Variants in ME3 observed in about 807,000 individuals in gnomAD.
ME3 encodes NADP-dependent malic enzyme, mitochondrial.
A neutral mutation model predicts 68.9 loss-of-function variants in ME3; 48 were observed. The ratio of observed to expected loss-of-function variants is 0.70; its 90% CI spans 0.55 to 0.89. The LOEUF (loss-of-function observed/expected upper bound fraction) is 0.89, where lower values mean the gene tolerates loss of function less well. Among genes scored for constraint, ME3 ranks in the 40% least tolerant of loss-of-function variants. The probability of loss-of-function intolerance (pLI) is 0.00; values close to 1 mark genes in which losing one functional copy is unlikely to be tolerated. For missense variants in ME3, 675 were observed against 797.4 expected (o/e 0.85, Z 1.85); for synonymous variants, 320 against 318.8 (o/e 1.00, Z -0.04).
At chr11:86,578,729 A>G (rs1376581423) in intron 2 of ME3, among the ~76,000 whole-genome samples, 2 of 152,160 alleles carry the variant, frequency 1.3e-5, no homozygotes, top group Non-Finnish European at 2.9e-5. Flanking sequence ...CTCTGTCTTG[A>G]CACCAAGAAG....
At chr11:86,440,709 T>G (rs1392168427), downstream of ME3, among the ~76,000 whole-genome samples, 1 of 152,208 alleles carries the variant, frequency 6.6e-6, no homozygotes, top group Non-Finnish European at 1.5e-5. Flanking sequence ...ATGGCTGACA[T>G]GGACTAAACT....
intron 2 of ME3, among the ~76,000 whole-genome samples, chr11:86,581,548 T>TAA (rs1958444065): frequency 6.6e-6 from 1 of 152,224 alleles, no homozygotes; most frequent in African/African-American, 2.4e-5. Flanking sequence ...TATTGCATTT[T>TAA]AAGTGAAGCA....
At chr11:86,481,080 T>C (rs952278391) in intron 7 of ME3, among the ~76,000 whole-genome samples, 1 of 152,134 alleles carries the variant, frequency 6.6e-6, no homozygotes, top group African/African-American at 2.4e-5. Flanking sequence ...CTCATTCTGT[T>C]GCCTAGGCTG....
chr11:86,660,998 T>A (rs1249880147), intron 2 of ME3, among the ~76,000 whole-genome samples: 1 of 152,180 alleles, frequency 6.6e-6, no homozygotes, highest in Non-Finnish European at 1.5e-5. Context: ...GTATCATCAG[T>A]CTTCACCATA....
At chr11:86,639,882 C>G (rs965117601) in intron 2 of ME3, among the ~76,000 whole-genome samples, 2 of 152,170 alleles carry the variant, frequency 1.3e-5, no homozygotes, top group Non-Finnish European at 2.9e-5. Context: ...AACTACGTTT[C>G]GCATGAGTGG....
At chr11:86,624,782 G>A (rs928594654) in intron 2 of ME3, among the ~76,000 whole-genome samples, 2 of 152,182 alleles carry the variant, frequency 1.3e-5, no homozygotes, top group Admixed American at 6.5e-5. Flanking sequence ...ATCAGATAGC[G>A]GGAGAGAAAG....
chr11:86,653,565 A>G (rs1470017355), intron 2 of ME3, among the ~76,000 whole-genome samples: 1 of 152,238 alleles, frequency 6.6e-6, no homozygotes, highest in Non-Finnish European at 1.5e-5. Flanking sequence ...AAGACACAAC[A>G]TACCAGAATC....
At chr11:86,574,221 C>G (rs1004603578) in intron 2 of ME3, among the ~76,000 whole-genome samples, 1 of 152,160 alleles carries the variant, frequency 6.6e-6, no homozygotes, top group Non-Finnish European at 1.5e-5. Flanking sequence ...ATTCGTCAAT[C>G]TCATTCTTCA....
chr11:86,584,823 G>T (rs1352436618), intron 2 of ME3, among the ~76,000 whole-genome samples: 1 of 152,122 alleles, frequency 6.6e-6, no homozygotes, highest in Non-Finnish European at 1.5e-5. Context: ...TAATCAATGG[G>T]TATACGATTT....
intron 4 of ME3, among the ~76,000 whole-genome samples, chr11:86,529,523 C>G (rs1198557564): frequency 6.6e-6 from 1 of 152,116 alleles, no homozygotes; most frequent in Admixed American, 6.5e-5. Flanking sequence ...CAGCATCATC[C>G]TGATACCAAA....
chr11:86,513,370 G>A (rs1175381723), intron 4 of ME3, among the ~76,000 whole-genome samples: 6 of 152,138 alleles, frequency 3.9e-5, no homozygotes, highest in Non-Finnish European at 7.4e-5. Context: ...CTAAACTGCG[G>A]CTAGCTACAA....
At chr11:86,558,297 G>C (rs1029648598) in intron 3 of ME3, among the ~76,000 whole-genome samples, 1 of 152,176 alleles carries the variant, frequency 6.6e-6, no homozygotes, top group African/African-American at 2.4e-5. Context: ...GTCTCATCCT[G>C]TTAGTTGATT....
intron 4 of ME3, among the ~76,000 whole-genome samples, chr11:86,545,944 T>C (rs1190132446): frequency 6.6e-6 from 1 of 152,212 alleles, no homozygotes; most frequent in Admixed American, 6.5e-5. Flanking sequence ...CAAAATAGCA[T>C]GGTACTGGTA....
intron 13 of ME3, among the ~76,000 whole-genome samples, chr11:86,445,954 A>G (rs942547797): frequency 2.0e-5 from 3 of 151,482 alleles, no homozygotes; most frequent in Non-Finnish European, 1.5e-5. Flanking sequence ...AGAATCCATC[A>G]CCTATCATGG....
At chr11:86,544,206 A>G (rs917488226) in intron 4 of ME3, among the ~76,000 whole-genome samples, 1 of 152,254 alleles carries the variant, frequency 6.6e-6, no homozygotes, top group Non-Finnish European at 1.5e-5. Context: ...AAAGCAGGAA[A>G]GATCTAAAAC....
Position 86,472,991 on chromosome 11 carries a change from T to A in ME3, c.810-7791A>T, listed in dbSNP as rs145600631. Reference sequence around the variant, plus strand: ...CGAACGTGTTCATGAAGCAATGGGCTATACATGAGGTCAGCGGAGGGGAAC... The same window carrying A: ...CGAACGTGTTCATGAAGCAATGGGCAATACATGAGGTCAGCGGAGGGGAAC... On this transcript the variant is annotated intron_variant, in intron 7 of 14. Coordinates refer to ENST00000543262, the Ensembl canonical transcript of ME3. Among the ~76,000 whole-genome samples, 295 of 152,310 alleles carry A rather than the reference T, an allele frequency of 1.9e-3. 1 individual carries two copies. Among genetic ancestry groups the A allele is most frequent in the African/African-American group, 6.9e-3 (285 of 41,564 alleles).
At chr11:86,633,534 A>G (rs77201613) in intron 2 of ME3, among the ~76,000 whole-genome samples, 3,761 of 152,306 alleles carry the variant, frequency 0.025, 142 homozygotes, top group African/African-American at 0.081. Context: ...GAGAAATGTA[A>G]TAAGAGAAAT....
chr11:86,554,927 G>A (rs1320514997), intron 4 of ME3, among the ~76,000 whole-genome samples: 1 of 152,158 alleles, frequency 6.6e-6, no homozygotes, highest in Non-Finnish European at 1.5e-5. Flanking sequence ...AGAAAACTAT[G>A]GGATAGACGA....
chr11:86,642,340 T>C (rs566138156), intron 2 of ME3, among the ~76,000 whole-genome samples: 8 of 152,314 alleles, frequency 5.3e-5, no homozygotes, highest in African/African-American at 1.4e-4. Context: ...TTGCGGGCAG[T>C]GATGCCAACT....
Sources: gnomAD v4.1 joint callset for allele counts (sites outside exome capture counted in the v4.1 genomes callset) on GRCh38, gnomAD v4.1.1 for gene constraint, MANE v1.5 for transcripts, NCBI Gene and HGNC (gene_info 2026-07-23, HGNC 2026-07-21) for gene names.